The following MSH3 variants were observed in gnomAD, a reference collection of about 807,000 sequenced individuals.
The protein encoded by MSH3 is DNA mismatch repair protein Msh3.
In MSH3, 106 loss-of-function variants were observed where a neutral mutation model predicts 123.3. That is an observed-to-expected ratio of 0.86 (90% CI 0.73 to 1.01). The LOEUF (loss-of-function observed/expected upper bound fraction) is 1.01. MSH3 is among the 50% of genes least tolerant of loss of function. MSH3 has a pLI of 0.00. For synonymous variants in MSH3, 515 were observed against 481.4 expected, an observed-to-expected ratio of 1.07 and a Z score of -0.91; for missense variants, 1,459 against 1,347.6, an observed-to-expected ratio of 1.08 and a Z score of -1.29.
intron 2 of MSH3, among the ~76,000 whole-genome samples, chr5:80,662,509 A>G (rs1357277330): frequency 6.6e-6 from 1 of 152,144 alleles, no homozygotes; most frequent in Non-Finnish European, 1.5e-5. Flanking sequence ...AAGTCAAATA[A>G]AATATAGGGA....
At chr5:80,815,776 C>T (rs1053767632) in intron 20 of MSH3, among the ~76,000 whole-genome samples, 1 of 152,068 alleles carries the variant, frequency 6.6e-6, no homozygotes, top group African/African-American at 2.4e-5. Context: ...GCCATAGTTG[C>T]AAGGAAAACA....
Position 80,678,916 on chromosome 5 carries a change from T to A in MSH3, c.1174-11T>A. ...TTTTTTCTGTAACATTATATTTGTA[T>A]TTGTTTTTAGGGAGTGCAGCCTGCC... On this transcript the variant is annotated splice_polypyrimidine_tract_variant and intron_variant, in intron 7 of 23. Coordinates refer to ENST00000265081, the MANE Select transcript of MSH3 (RefSeq NM_002439.5). 1 of 1,614,046 alleles carries A rather than the reference T, an allele frequency of 6.2e-7. No homozygotes were observed. Among genetic ancestry groups the A allele is most frequent in the Non-Finnish European group, 8.5e-7 (1 of 1,179,928 alleles).
At chr5:80,724,509 A>G (rs1743219201) in intron 8 of MSH3, among the ~76,000 whole-genome samples, 1 of 152,218 alleles carries the variant, frequency 6.6e-6, no homozygotes, top group South Asian at 2.1e-4. Context: ...TAAAGAAAGA[A>G]GAGAAGGAGG....
intron 19 of MSH3, among the ~76,000 whole-genome samples, chr5:80,812,782 C>G (rs1745031429): frequency 6.6e-6 from 1 of 151,860 alleles, no homozygotes; most frequent in Admixed American, 6.6e-5. Context: ...TGGTCTTGAA[C>G]TCCTGGCCTC....
At chr5:80,869,841 T>TATATACACACAC (rs376147429) in intron 22 of MSH3, among the ~76,000 whole-genome samples, 1 of 132,524 alleles carries the variant, frequency 7.5e-6, no homozygotes, top group African/African-American at 2.9e-5. Flanking sequence ...TACATATATA[T>TATATACACACAC]ACACACACAC....
chr5:80,815,069 T>C (rs1184284059), intron 20 of MSH3, among the ~76,000 whole-genome samples: 1 of 152,228 alleles, frequency 6.6e-6, no homozygotes, highest in Non-Finnish European at 1.5e-5. Context: ...AATATTTGAC[T>C]GTGGAATCAC....
intron 12 of MSH3, among the ~76,000 whole-genome samples, chr5:80,755,552 T>C (rs1469675644): frequency 6.6e-6 from 1 of 152,170 alleles, no homozygotes; most frequent in African/African-American, 2.4e-5. Flanking sequence ...TCATAAAATA[T>C]CTCCTTATGT....
At chr5:80,783,153 A>G (rs1336108609) in intron 17 of MSH3, among the ~76,000 whole-genome samples, 3 of 152,250 alleles carry the variant, frequency 2.0e-5, no homozygotes. Flanking sequence ...TCTAGTCATC[A>G]TAACACTATA....
chr5:80,809,722 T>TC (rs1744973094), intron 19 of MSH3, among the ~76,000 whole-genome samples: 1 of 152,214 alleles, frequency 6.6e-6, no homozygotes, highest in Non-Finnish European at 1.5e-5. Flanking sequence ...GGCATTACAT[T>TC]CTTTCACTTT....
At chr5:80,768,721 A>G (rs554104169) in intron 14 of MSH3, 114 bp from the exon 15 acceptor site, 45 of 908,752 alleles carry the variant, frequency 5.0e-5, no homozygotes, top group Non-Finnish European at 6.7e-5. Context: ...GACAATTGGA[A>G]CCACATTTTT....
At chr5:80,864,677 A>G in intron 21 of MSH3, 136 bp from the exon 22 acceptor site, 1 of 713,690 alleles carries the variant, frequency 1.4e-6, no homozygotes, top group Non-Finnish European at 2.4e-6. Flanking sequence ...GGTAAACAGT[A>G]TATAATAATT....
At chr5:80,774,063 C>T (rs941980547) in intron 15 of MSH3, among the ~76,000 whole-genome samples, 10 of 152,044 alleles carry the variant, frequency 6.6e-5, no homozygotes, top group South Asian at 2.1e-4. Context: ...CCATCGCGCC[C>T]GGCCTGAATT....
chr5:80,826,967 CTGTGCATTATGATA>C (rs1745325249), intron 20 of MSH3, among the ~76,000 whole-genome samples: 1 of 152,124 alleles, frequency 6.6e-6, no homozygotes, highest in Admixed American at 6.6e-5. Context: ...ATGGATATAT[CTGTGCATTATGATA>C]TGTGTACTCA....
chr5:80,720,925 G>C (rs1751067425), intron 8 of MSH3, among the ~76,000 whole-genome samples: 1 of 152,142 alleles, frequency 6.6e-6, no homozygotes. Flanking sequence ...AACTGTAAGT[G>C]TAAGTGGTAG....
intron 6 of MSH3, among the ~76,000 whole-genome samples, chr5:80,674,591 A>G (rs1037315111): frequency 2.6e-5 from 4 of 152,156 alleles, no homozygotes; most frequent in East Asian, 1.9e-4. Flanking sequence ...GATACTGGTT[A>G]TCTGTCTTTA....
chr5:80,720,715 C>CT (rs762458505), intron 8 of MSH3, among the ~76,000 whole-genome samples: 1 of 150,998 alleles, frequency 6.6e-6, no homozygotes, highest in African/African-American at 2.4e-5. Context: ...TATGTTTTTT[C>CT]TTTTTTTTTC....
At chr5:80,867,151 G>A (rs1248151677) in intron 22 of MSH3, among the ~76,000 whole-genome samples, 3 of 152,128 alleles carry the variant, frequency 2.0e-5, no homozygotes, top group African/African-American at 2.4e-5. Flanking sequence ...CAAAACACTC[G>A]GTCTCACACT....
intron 8 of MSH3, among the ~76,000 whole-genome samples, chr5:80,711,340 C>T (rs1750853619): frequency 6.6e-6 from 1 of 152,206 alleles, no homozygotes; most frequent in Non-Finnish European, 1.5e-5. Context: ...CCTGAAGAAG[C>T]GTGGGCCCTA....
intron 2 of MSH3, among the ~76,000 whole-genome samples, chr5:80,658,035 C>CCTTT (rs369384745): frequency 0.37 from 32,356 of 86,790 alleles, 4,885 homozygotes; most frequent in African/African-American, 0.45. Context: ...GCTTTTTGCC[C>CCTTT]TCTTTTTTTT....
Sources: gnomAD v4.1 joint callset for allele counts (sites outside exome capture counted in the v4.1 genomes callset) on GRCh38, gnomAD v4.1.1 for gene constraint, MANE v1.5 for transcripts, NCBI Gene and HGNC (gene_info 2026-07-23, HGNC 2026-07-21) for gene names.